Variants in PKD1L3 observed in about 807,000 individuals in gnomAD.
PKD1L3 encodes polycystin 1 like 3, transient receptor potential channel interacting.
In PKD1L3, 239 loss-of-function variants were observed where a neutral mutation model predicts 184.1. The ratio of observed to expected loss-of-function variants is 1.30; its 90% confidence interval spans 1.17 to 1.45. PKD1L3 has a LOEUF of 1.45. Ranked by LOEUF, PKD1L3 falls within the 40% of genes most tolerant of loss-of-function variation. The pLI, the probability that PKD1L3 is intolerant of heterozygous loss-of-function variation, is 0.00. For synonymous variants in PKD1L3, 996 were observed against 778.8 expected (o/e 1.28, Z -4.64); for missense variants, 2,660 against 2,067.2 (o/e 1.29, Z -5.56).
chr16:71,966,371 C>T (rs1169898789), intron 15 of PKD1L3, among the ~76,000 whole-genome samples: 2 of 151,962 alleles, frequency 1.3e-5, no homozygotes, highest in African/African-American at 2.4e-5. Context: ...ATTTCTCTAA[C>T]TCCTTAGGCA....
intron 3 of PKD1L3, among the ~76,000 whole-genome samples, chr16:71,992,369 T>C (rs2040621093): frequency 6.6e-6 from 1 of 152,226 alleles, no homozygotes; most frequent in Non-Finnish European, 1.5e-5. Context: ...TTCAGTAATT[T>C]AGTTTTACTA....
At chr16:71,971,224 T>C (rs1270892080) in intron 12 of PKD1L3, among the ~76,000 whole-genome samples, 4 of 152,250 alleles carry the variant, frequency 2.6e-5, no homozygotes, top group African/African-American at 9.6e-5. Context: ...TAAGAAAATA[T>C]GAAGCAGAGC....
chr16:71,974,718 G>C (rs1354079553), intron 11 of PKD1L3, among the ~76,000 whole-genome samples: 1 of 152,186 alleles, frequency 6.6e-6, no homozygotes, highest in African/African-American at 2.4e-5. Flanking sequence ...TACACCTTTG[G>C]AATTGGGAAA....
At chr16:71,989,214 G>A (rs988885426) in intron 4 of PKD1L3, among the ~76,000 whole-genome samples, 2 of 152,180 alleles carry the variant, frequency 1.3e-5, no homozygotes, top group African/African-American at 4.8e-5. Context: ...GAGTGCAATG[G>A]CACAATCTTG....
chr16:71,981,997 T>C, intron 7 of PKD1L3, 62 bp downstream of exon 7: 3 of 1,410,392 alleles, frequency 2.1e-6, no homozygotes, highest in African/African-American at 1.5e-5. Flanking sequence ...CTGTGATACC[T>C]GGACCTGTCA....
At chr16:71,952,834 T>C (rs2038894177) in intron 18 of PKD1L3, 60 bp downstream of exon 18, 1 of 1,488,072 alleles carries the variant, frequency 6.7e-7, no homozygotes. Flanking sequence ...CCAGACCCTA[T>C]GTCAAAACAA....
At chr16:71,970,374 T>C (rs1038901412) in intron 12 of PKD1L3, among the ~76,000 whole-genome samples, 4 of 152,184 alleles carry the variant, frequency 2.6e-5, no homozygotes, top group Admixed American at 1.3e-4. Context: ...TATGAAGATA[T>C]ATGAAAAGGA....
chr16:71,955,617 T>G (rs2039015329), intron 16 of PKD1L3, among the ~76,000 whole-genome samples: 1 of 151,874 alleles, frequency 6.6e-6, no homozygotes, highest in African/African-American at 2.4e-5. Context: ...CTCAGTGGTG[T>G]GCAGGTGCAC....
At chr16:71,965,594 G>A (rs547981003) in intron 15 of PKD1L3, among the ~76,000 whole-genome samples, 8 of 143,996 alleles carry the variant, frequency 5.6e-5, no homozygotes, top group African/African-American at 2.1e-4. Flanking sequence ...TCACTCTGTT[G>A]CCAAGTTGGA....
rs182099096 is a variant in PKD1L3 at position 71,988,538 on chromosome 16, G to A, written c.585+1742C>T. Among the ~76,000 whole-genome samples the A allele has an allele frequency of 9.8e-5, 15 of 152,326 alleles. No homozygotes were observed. The East Asian group carries it at 2.9e-3, about 29-fold the overall frequency. ...GATGGGAGATGGTGACTTGGACCAT[G>A]TGGTGATCGTGGTGACCATGGTGAG... On this transcript the variant is annotated intron_variant, in intron 4 of 29. Coordinates refer to ENST00000620267, the MANE Select transcript of PKD1L3 (RefSeq NM_181536.2).
Position 71,984,175 on chromosome 16 carries a change from G to C in PKD1L3, c.835-8C>G. On this transcript the variant is annotated splice_region_variant and splice_polypyrimidine_tract_variant and intron_variant, in intron 5 of 29. Coordinates refer to ENST00000620267, the MANE Select transcript of PKD1L3 (RefSeq NM_181536.2). ...TGCTATCTCATCTATGACCTATTGG[G>C]AACAAAGAAGTTGTCAAAATTACTC... The C allele has an allele frequency of 6.4e-7, 1 of 1,550,426 alleles. No individual in the cohort carries two copies. Among genetic ancestry groups the C allele is most frequent in the Admixed American group, 2.0e-5 (1 of 50,944 alleles).
intron 14 of PKD1L3, among the ~76,000 whole-genome samples, chr16:71,967,598 G>A (rs2039550129): frequency 6.6e-6 from 1 of 152,110 alleles, no homozygotes; most frequent in South Asian, 2.1e-4. Context: ...CTGAGTAGCT[G>A]TGATTATAGT....
intron 21 of PKD1L3, among the ~76,000 whole-genome samples, chr16:71,947,985 C>T (rs975365313): frequency 6.0e-5 from 9 of 150,894 alleles, no homozygotes; most frequent in South Asian, 2.1e-4. Flanking sequence ...GGCGCAATCT[C>T]GGCTCACTGC....
intron 28 of PKD1L3, among the ~76,000 whole-genome samples, chr16:71,931,975 C>G (rs542343068): frequency 6.6e-5 from 10 of 152,136 alleles, no homozygotes; most frequent in Non-Finnish European, 1.2e-4. Flanking sequence ...CACTCCTGAG[C>G]TCAAGCAATC....
At chr16:71,997,797 T>A (rs1167348018) in intron 2 of PKD1L3, among the ~76,000 whole-genome samples, 4 of 129,360 alleles carry the variant, frequency 3.1e-5, no homozygotes. Context: ...ATACAACAAC[T>A]ACACACACAC....
chr16:71,961,428 T>C (rs12448111), intron 16 of PKD1L3, among the ~76,000 whole-genome samples: 71,170 of 151,864 alleles, frequency 0.47, 17,378 homozygotes, highest in Middle Eastern at 0.57. Context: ...TTGGCCCTTC[T>C]CCTTGAATCT....
intron 28 of PKD1L3, chr16:71,931,041 C>G (rs1034470903): frequency 1.3e-5 from 2 of 152,098 alleles, no homozygotes; most frequent in Non-Finnish European, 2.9e-5. Flanking sequence ...GACTTATTTC[C>G]AATAAGTTTA....
chr16:71,983,125 GAAGAA>G (rs963757917), intron 6 of PKD1L3, among the ~76,000 whole-genome samples: 2 of 152,114 alleles, frequency 1.3e-5, no homozygotes, highest in African/African-American at 4.8e-5. Context: ...AAAAAGGAAT[GAAGAA>G]AAGACCAATG....
rs1042281663 is a variant in PKD1L3 at position 71,937,332 on chromosome 16, A to C, written c.4412T>G (p.Val1471Gly). 1 of 1,551,664 alleles carries C rather than the reference A, an allele frequency of 6.4e-7. No individual in the cohort carries two copies. Among genetic ancestry groups the C allele is most frequent in the Non-Finnish European group, 8.7e-7 (1 of 1,146,980 alleles). ...GTAACAGACCAGTAGATAATAGATG[A>C]CTTGTGAGATGATAGACCAGACACA... is the stretch of plus-strand genomic sequence containing the variant. ...KGCVWSIISQ[V>G]IYYLLVCYYA... Residue 1471 changes from valine to glycine, a missense_variant, in exon 25 of 30, where the codon GTC becomes GGC. Transcript: ENST00000620267.
Sources: allele counts gnomAD v4.1 joint callset (sites outside exome capture counted in the v4.1 genomes callset), GRCh38; gene constraint gnomAD v4.1.1; transcripts MANE v1.5; gene names NCBI Gene and HGNC (gene_info 2026-07-23, HGNC 2026-07-21).